VAV2: variants seen among roughly 807,000 people sequenced by gnomAD.
VAV2 encodes the protein vav guanine nucleotide exchange factor 2.
In VAV2, 67 loss-of-function variants were observed where a neutral mutation model predicts 132.5. That is an observed-to-expected ratio of 0.51 (90% CI 0.42 to 0.62). The LOEUF is 0.62. Ranked by LOEUF, VAV2 falls within the 20% of genes least tolerant of loss-of-function variation. VAV2 has a pLI of 0.00. For synonymous variants in VAV2, 492 were observed against 443.5 expected, an observed-to-expected ratio of 1.11 and a Z score of -1.37; for missense variants, 938 against 1,153.6, an observed-to-expected ratio of 0.81 and a Z score of 2.71.
intron 2 of VAV2, among the ~76,000 whole-genome samples, chr9:133,864,219 C>T (rs188043083): frequency 3.3e-5 from 5 of 152,200 alleles, no homozygotes; most frequent in South Asian, 2.1e-4. Context: ...CAGACAGCCG[C>T]GGGGCAGGAG....
At chr9:133,812,294 C>T in intron 4 of VAV2, 78 bp from the exon 5 acceptor site, 1 of 1,437,570 alleles carries the variant, frequency 7.0e-7, no homozygotes, top group South Asian at 1.2e-5. Context: ...CACGAGGGTC[C>T]ACGAGGGACG....
chr9:133,765,544 A>T (rs1833403057), intron 29 of VAV2, among the ~76,000 whole-genome samples: 1 of 152,260 alleles, frequency 6.6e-6, no homozygotes, highest in South Asian at 2.1e-4. Flanking sequence ...TGTAAAAGTC[A>T]TGTAAGGCAG....
chr9:133,816,323 C>G (rs1439527495), intron 4 of VAV2, among the ~76,000 whole-genome samples: 2 of 152,176 alleles, frequency 1.3e-5, no homozygotes, highest in Non-Finnish European at 2.9e-5. Context: ...TTTAATAAAG[C>G]CTAATTTATC....
In VAV2 at chr9:133,868,265, A is replaced by G. The variant is rs541162678; in HGVS notation, c.322-6833T>C. ...GCAACACGAGGGGCAACCTGCCCAC[A>G]GCACAGCAGGCACCGCATCCCCATG... On this transcript the variant is annotated intron_variant, in intron 2 of 29. Coordinates refer to ENST00000371850, the MANE Select transcript of VAV2 (RefSeq NM_001134398.2). Among the ~76,000 whole-genome samples the G allele has an allele frequency of 5.9e-5, 9 of 152,366 alleles. No homozygotes were observed. In the East Asian group the frequency reaches 1.7e-3, roughly 29 times the overall value.
intron 2 of VAV2, among the ~76,000 whole-genome samples, chr9:133,890,376 G>A (rs1838884424): frequency 6.6e-6 from 1 of 152,250 alleles, no homozygotes; most frequent in South Asian, 2.1e-4. Flanking sequence ...GTCCAGGAGT[G>A]AGCACGGACT....
At chr9:133,989,349 AAAAAAC>A (rs1259450234) in intron 1 of VAV2, among the ~76,000 whole-genome samples, 12 of 150,472 alleles carry the variant, frequency 8.0e-5, no homozygotes, top group Admixed American at 2.6e-4. Flanking sequence ...CAAAAAAAAA[AAAAAAC>A]AAAAAATACA....
In VAV2 at chr9:133,834,142, C is replaced by T. The variant is rs955471061; in HGVS notation, c.449+130G>A. 194 of 1,026,386 alleles carry T rather than the reference C, an allele frequency of 1.9e-4. 1 individual carries two copies. The highest frequency in any genetic ancestry group is 4.6e-5 in the South Asian group (3 of 64,550). 63.6% of individuals were successfully genotyped at this position (1,026,386 alleles called of 1,614,324 possible). The stretch of plus-strand genomic sequence containing the variant: ...CATGACCCATCATGAGGAGATGCCC[C>T]GGTGGGAAGGGCCAGGGCCAGCTCT... On this transcript the variant is annotated intron_variant, in intron 4 of 29. Transcript: ENST00000371850. The surrounding 1 kb of genome is among the most constrained non-coding windows in gnomAD (Gnocchi z 5.9).
At chr9:133,780,576 C>A in intron 20 of VAV2, 118 bp downstream of exon 20, 1 of 1,227,246 alleles carries the variant, frequency 8.1e-7, no homozygotes, top group Non-Finnish European at 1.0e-6. Flanking sequence ...AGTGGCTCAT[C>A]CAAGCCGGTG....
rs1833354960 is a variant in VAV2 at position 133,764,129 on chromosome 9, C to T, written c.2590-20G>A. 4.4e-6 allele frequency: 7 copies of T among 1,588,636 alleles called. No individual in the cohort carries two copies. Among genetic ancestry groups the T allele is most frequent in the Non-Finnish European group, 6.0e-6 (7 of 1,165,920 alleles). ...GCCAATCTGAAAAAGATGGTAAGAT[C>T]GTGTCTGTGTGTGTGTGTGTGTGTG... On this transcript the variant is annotated intron_variant, in intron 29 of 29. Transcript: ENST00000371850.
intron 1 of VAV2, among the ~76,000 whole-genome samples, chr9:133,979,620 G>A (rs1190799336): frequency 6.6e-6 from 1 of 152,198 alleles, no homozygotes; most frequent in South Asian, 2.1e-4. Flanking sequence ...AGGACAGGCA[G>A]CCAGGCACTA....
intron 3 of VAV2, among the ~76,000 whole-genome samples, chr9:133,845,707 C>A (rs144919103): frequency 2.6e-5 from 4 of 152,244 alleles, no homozygotes; most frequent in Non-Finnish European, 5.9e-5. Flanking sequence ...ACCCTTCCAT[C>A]CCCTGCCCAT....
rs1358747867 is a variant in VAV2, at chr9:133,762,971, A to G, written c.*1091T>C. On this transcript the variant is annotated 3_prime_UTR_variant, in exon 30 of 30. Coordinates refer to ENST00000371850, the MANE Select transcript of VAV2 (RefSeq NM_001134398.2). The surrounding 1 kb of genome is among the most constrained non-coding windows in gnomAD (Gnocchi z 5.0). Reference sequence around the variant, plus strand: ...CCAGGGTCTGGCTAACCCAGCCAGAAGTCGAAGGCCAGGAGTTGTGGCTGG... The same window carrying G: ...CCAGGGTCTGGCTAACCCAGCCAGAGGTCGAAGGCCAGGAGTTGTGGCTGG... 7.2e-5 allele frequency: 11 copies of G among 152,708 alleles called. No individual in the cohort carries two copies. The highest frequency in any genetic ancestry group is 2.9e-5 in the Non-Finnish European group (2 of 68,124). 9.5% of individuals were successfully genotyped at this position (152,708 alleles called of 1,614,324 possible). A position where few individuals can be genotyped will look rare whatever the true frequency, so the allele number is the denominator to read the frequency against.
intron 2 of VAV2, among the ~76,000 whole-genome samples, chr9:133,876,353 G>A (rs1838262195): frequency 6.6e-6 from 1 of 152,264 alleles, no homozygotes; most frequent in Non-Finnish European, 1.5e-5. Context: ...GCCAGCAGAG[G>A]CGCTGTGGAG....
rs749338426 is a variant in VAV2 at position 133,783,490 on chromosome 9, G to GT, written c.1723+12_1723+13insA. ...GCCAGGGACTGGGGTGGGGGGGTGA[G>GT]GGGGGTACTCACTGAACTTGCAGGG... is the stretch of plus-strand genomic sequence containing the variant. On this transcript the variant is annotated intron_variant, in intron 19 of 29. Coordinates refer to ENST00000371850, the MANE Select transcript of VAV2 (RefSeq NM_001134398.2). The GT allele has an allele frequency of 3.4e-6, 5 of 1,474,308 alleles. No individual in the cohort carries two copies. The highest frequency in any genetic ancestry group is 1.2e-5 in the South Asian group (1 of 86,246). The allele number at this position is 1,474,308 out of a possible 1,614,324, so 91.3% of individuals were successfully genotyped here. A position where few individuals can be genotyped will look rare whatever the true frequency, so the allele number is the denominator to read the frequency against.
chr9:133,810,926 T>A (rs1172737530), intron 5 of VAV2, among the ~76,000 whole-genome samples: 1 of 152,062 alleles, frequency 6.6e-6, no homozygotes, highest in East Asian at 1.9e-4. Context: ...ACTTGGGGAG[T>A]GAACTGGCCT....
chr9:133,954,522 A>C (rs1841679685), intron 1 of VAV2, among the ~76,000 whole-genome samples: 1 of 152,258 alleles, frequency 6.6e-6, no homozygotes, highest in South Asian at 2.1e-4. Flanking sequence ...GCACGCCTGA[A>C]GGCTTCCGGA....
At chr9:133,931,266 T>C (rs1840677391) in intron 2 of VAV2, among the ~76,000 whole-genome samples, 1 of 152,150 alleles carries the variant, frequency 6.6e-6, no homozygotes, top group East Asian at 1.9e-4. Context: ...GGGGAGAACC[T>C]TCCAGGCAGG....
In VAV2 at chr9:133,941,134, G is replaced by A. The variant is rs1360838474; in HGVS notation, c.205-1915C>T. 3.3e-5 allele frequency among the ~76,000 whole-genome samples: 5 copies of A among 152,260 alleles called. No homozygotes were observed. The South Asian group carries it at 8.3e-4, about 25-fold the overall frequency. Reference sequence around the variant, plus strand: ...TCAAATGTGGCTAGTCCGGCTGGGCGCAGCAGCTCACGCCTGTAATCCCAG... The same window carrying A: ...TCAAATGTGGCTAGTCCGGCTGGGCACAGCAGCTCACGCCTGTAATCCCAG... On this transcript the variant is annotated intron_variant, in intron 1 of 29. Transcript: ENST00000371850.
intron 3 of VAV2, among the ~76,000 whole-genome samples, chr9:133,850,255 G>C (rs1163934255): frequency 6.6e-6 from 1 of 152,204 alleles, no homozygotes; most frequent in Non-Finnish European, 1.5e-5. Flanking sequence ...CCTCAGGCCA[G>C]GCCCTTAACC....
Sources: gnomAD v4.1 joint callset for allele counts (sites outside exome capture counted in the v4.1 genomes callset) on GRCh38, gnomAD v4.1.1 for gene constraint, Gnocchi (gnomAD v3.1) non-coding constraint, MANE v1.5 for transcripts, NCBI Gene and HGNC (gene_info 2026-07-23, HGNC 2026-07-21) for gene names.